Variants in ANKH observed in about 807,000 individuals in gnomAD.
The protein encoded by ANKH is mineralization regulator ANKH.
A neutral mutation model predicts 49.0 loss-of-function variants in ANKH; 15 were observed. The ratio of observed to expected loss-of-function variants is 0.31; its 90% CI spans 0.20 to 0.47. The LOEUF (loss-of-function observed/expected upper bound fraction) is 0.47, where lower values mean the gene tolerates loss of function less well. Ranked by LOEUF, ANKH falls within the 20% of genes least tolerant of loss-of-function variation. The pLI, the probability that ANKH is intolerant of heterozygous loss-of-function variation, is 1.00. For missense variants in ANKH, 429 were observed against 652.0 expected (o/e 0.66, Z 3.72); for synonymous variants, 273 against 260.0 (o/e 1.05, Z -0.48).
At chr5:14,865,343 T>C (rs531459788) in intron 1 of ANKH, among the ~76,000 whole-genome samples, 1 of 152,118 alleles carries the variant, frequency 6.6e-6, no homozygotes, top group Non-Finnish European at 1.5e-5. Flanking sequence ...GTTTTAGGAG[T>C]GAAATTAGAG....
At chr5:14,734,350 C>T (rs1738101451) in intron 8 of ANKH, among the ~76,000 whole-genome samples, 1 of 152,132 alleles carries the variant, frequency 6.6e-6, no homozygotes, top group African/African-American at 2.4e-5. Context: ...GCAGGGGCCA[C>T]GTGCGTCAGG....
At chr5:14,771,937 A>AAAAAAAAAAC (rs1739451627) in intron 1 of ANKH, among the ~76,000 whole-genome samples, 8 of 140,382 alleles carry the variant, frequency 5.7e-5, no homozygotes, top group African/African-American at 1.4e-4. Context: ...AAAAAAAAAA[A>AAAAAAAAAAC]AAAAAAAAAA....
At chr5:14,716,519 A>G (rs182550970) in intron 9 of ANKH, among the ~76,000 whole-genome samples, 187 bp downstream of exon 9, 148 of 151,502 alleles carry the variant, frequency 9.8e-4, no homozygotes, top group African/African-American at 3.3e-3. Context: ...AATAAATAAA[A>G]TAAAAAGTTA....
At chr5:14,842,428 G>A (rs1054158212) in intron 1 of ANKH, among the ~76,000 whole-genome samples, 6 of 152,110 alleles carry the variant, frequency 3.9e-5, no homozygotes, top group African/African-American at 9.7e-5. Flanking sequence ...AAGCCAGTTC[G>A]GCAATGTCTT....
intron 1 of ANKH, among the ~76,000 whole-genome samples, chr5:14,825,700 T>A (rs766025094): frequency 2.6e-5 from 4 of 152,156 alleles, no homozygotes; most frequent in Non-Finnish European, 4.4e-5. Flanking sequence ...GAACCTGAAA[T>A]CTATCGAATT....
intron 8 of ANKH, among the ~76,000 whole-genome samples, chr5:14,726,020 T>C (rs1737812696): frequency 6.6e-6 from 1 of 152,174 alleles, no homozygotes; most frequent in South Asian, 2.1e-4. Flanking sequence ...TCAAATGTGA[T>C]TGGGACAGGA....
At chr5:14,783,537 G>A (rs1739878866) in intron 1 of ANKH, among the ~76,000 whole-genome samples, 1 of 152,082 alleles carries the variant, frequency 6.6e-6, no homozygotes, top group African/African-American at 2.4e-5. Flanking sequence ...TTGTCTCAAG[G>A]AATTAAGCTG....
intron 1 of ANKH, among the ~76,000 whole-genome samples, chr5:14,864,761 C>T (rs570418390): frequency 1.3e-5 from 2 of 152,342 alleles, no homozygotes; most frequent in South Asian, 4.1e-4. Flanking sequence ...TTACAGCATG[C>T]TCTCATAACC....
At chr5:14,805,565 A>G (rs536698868) in intron 1 of ANKH, among the ~76,000 whole-genome samples, 14 of 151,300 alleles carry the variant, frequency 9.3e-5, no homozygotes, top group Admixed American at 3.9e-4. Context: ...TCCCTCTAAG[A>G]GAAACCTGAC....
At chr5:14,764,573 G>A (rs1011874294) in intron 2 of ANKH, among the ~76,000 whole-genome samples, 1 of 152,172 alleles carries the variant, frequency 6.6e-6, no homozygotes, top group African/African-American at 2.4e-5. Flanking sequence ...CTGCAGTCTT[G>A]CAAACAAAAA....
chr5:14,813,003 G>T (rs147698005), intron 1 of ANKH, among the ~76,000 whole-genome samples: 2 of 152,308 alleles, frequency 1.3e-5, no homozygotes, highest in East Asian at 3.9e-4. Flanking sequence ...CACTTTGGGA[G>T]GTTAAGGTGG....
At chr5:14,790,861 T>C (rs1264703750) in intron 1 of ANKH, among the ~76,000 whole-genome samples, 1 of 152,186 alleles carries the variant, frequency 6.6e-6, no homozygotes, top group Non-Finnish European at 1.5e-5. Flanking sequence ...CCACCTGCCT[T>C]GGCCTCCCAA....
At chr5:14,831,272 C>CTA (rs1350560561) in intron 1 of ANKH, among the ~76,000 whole-genome samples, 3 of 152,072 alleles carry the variant, frequency 2.0e-5, no homozygotes, top group Non-Finnish European at 4.4e-5. Flanking sequence ...TGGAGGAATT[C>CTA]TATATATATC....
chr5:14,819,340 G>A (rs1423287602), intron 1 of ANKH, among the ~76,000 whole-genome samples: 1 of 152,236 alleles, frequency 6.6e-6, no homozygotes, highest in Non-Finnish European at 1.5e-5. Context: ...ATATCTATGT[G>A]GGACTATATT....
Position 14,709,956 on chromosome 5 carries a change from CTA to C in ANKH, c.*1239_*1240del, listed in dbSNP as rs1737100832. On this transcript the variant is annotated 3_prime_UTR_variant, in exon 12 of 12. Transcript: ENST00000284268. ...GGTTCTTTCAGTCTAGGAATTCTGA[CTA>C]AATCAATTTAGTGAACCGTGTCTAT... is the stretch of plus-strand genomic sequence containing the variant. 6.6e-6 allele frequency: 1 copy of C among 152,164 alleles called. No homozygotes were observed. 9.4% of individuals were successfully genotyped at this position (152,164 alleles called of 1,614,324 possible).
intron 1 of ANKH, among the ~76,000 whole-genome samples, chr5:14,861,824 A>C (rs2250716): frequency 6.6e-6 from 1 of 152,160 alleles, no homozygotes; most frequent in South Asian, 2.1e-4. Flanking sequence ...GTCCCTAGGG[A>C]CCCTGAACCA....
At chr5:14,867,607 C>T (rs537788806) in intron 1 of ANKH, among the ~76,000 whole-genome samples, 9 of 151,856 alleles carry the variant, frequency 5.9e-5, no homozygotes, top group East Asian at 5.8e-4. Flanking sequence ...GGCCGGACTG[C>T]GGACTGCAGT....
rs1225197291 is a variant in ANKH at position 14,770,265 on chromosome 5, G to A, written c.97-1074C>T. Among the ~76,000 whole-genome samples, 1 of 151,976 alleles carries A rather than the reference G, an allele frequency of 6.6e-6. No homozygotes were observed. The highest frequency in any genetic ancestry group is 1.5e-5 in the Non-Finnish European group (1 of 68,006). On this transcript the variant is annotated intron_variant, in intron 1 of 11. Coordinates refer to ENST00000284268, the MANE Select transcript of ANKH (RefSeq NM_054027.6). The surrounding 1 kb of genome is among the most constrained non-coding windows in gnomAD (Gnocchi z 4.1). ...GCCTCCCCTGCTATCAACATCCCAC[G>A]CCAGAGTGGTACATGCCTTACAATC...
At chr5:14,855,748 A>G (rs1735216497) in intron 1 of ANKH, among the ~76,000 whole-genome samples, 1 of 151,822 alleles carries the variant, frequency 6.6e-6, no homozygotes, top group African/African-American at 2.4e-5. Flanking sequence ...CAAAAAGCAT[A>G]CGTTACTTAA....
Sources: allele counts gnomAD v4.1 joint callset (sites outside exome capture counted in the v4.1 genomes callset), GRCh38; gene constraint gnomAD v4.1.1; non-coding constraint Gnocchi (gnomAD v3.1); transcripts MANE v1.5; gene names NCBI Gene and HGNC (gene_info 2026-07-23, HGNC 2026-07-21).